Variants in USP25 observed in about 807,000 individuals in gnomAD.
USP25 encodes ubiquitin specific peptidase 25, also known as ubiquitin carboxyl-terminal hydrolase 25.
A neutral mutation model predicts 158.5 loss-of-function variants in USP25; 85 were observed. The observed-to-expected ratio is 0.54, with a 90% CI of 0.45 to 0.64. The LOEUF (loss-of-function observed/expected upper bound fraction) is 0.64, where lower values mean the gene tolerates loss of function less well. Among genes scored for constraint, USP25 ranks in the 30% least tolerant of loss-of-function variants. The pLI is 0.00. For missense variants in USP25, 1,242 were observed against 1,327.3 expected, an observed-to-expected ratio of 0.94 and a Z score of 1.00; for synonymous variants, 464 against 460.4, an observed-to-expected ratio of 1.01 and a Z score of -0.10.
intron 1 of USP25, among the ~76,000 whole-genome samples, chr21:15,743,430 T>A (rs7277813): frequency 0.16 from 23,711 of 152,048 alleles, 3,900 homozygotes; most frequent in African/African-American, 0.42. Context: ...AGAAAAGCTC[T>A]TGACAATGAG....
At position 15,879,718 on chromosome 21, in the gene USP25, A is replaced by C. The variant is rs911768703; in HGVS notation, c.*1243A>C. On this transcript the variant is annotated 3_prime_UTR_variant, in exon 26 of 26. Transcript: ENST00000400183. ...TAAAATAGACCATTATACTATGTGTATGTTTGATACAGCGTCGCCAAAACT... is the reference window on the plus strand; with the variant it reads ...TAAAATAGACCATTATACTATGTGTCTGTTTGATACAGCGTCGCCAAAACT... 2.0e-5 allele frequency: 3 copies of C among 152,616 alleles called. No individual in the cohort carries two copies. Among genetic ancestry groups the C allele is most frequent in the African/African-American group, 7.2e-5 (3 of 41,468 alleles). The allele number at this position is 152,616 out of a possible 1,614,324, so 9.5% of individuals were successfully genotyped here.
intron 1 of USP25, among the ~76,000 whole-genome samples, chr21:15,743,418 A>G (rs2032245247): frequency 6.6e-6 from 1 of 152,188 alleles, no homozygotes; most frequent in Non-Finnish European, 1.5e-5. Context: ...TTATTGAGCA[A>G]CAGAAAAGCT....
intron 5 of USP25, among the ~76,000 whole-genome samples, chr21:15,798,974 A>G (rs773460520): frequency 4.6e-5 from 7 of 151,422 alleles, no homozygotes; most frequent in Admixed American, 3.3e-4. Context: ...GACCCAAGAA[A>G]GGAATATACT....
intron 25 of USP25, 76 bp from the exon 26 acceptor site, chr21:15,878,227 A>G (rs1051391203): frequency 3.9e-6 from 6 of 1,531,124 alleles, no homozygotes; most frequent in Non-Finnish European, 5.3e-6. Context: ...GAGTAAGTTA[A>G]TATTAGTAAA....
At chr21:15,859,863 A>C (rs2039338858) in intron 20 of USP25, among the ~76,000 whole-genome samples, 2 of 151,244 alleles carry the variant, frequency 1.3e-5, no homozygotes, top group African/African-American at 4.8e-5. Flanking sequence ...GGAAAGAAAA[A>C]GCCTTTGACT....
In USP25 at chr21:15,827,062, A is replaced by G. The variant is rs1198025490; in HGVS notation, c.1552A>G (p.Ile518Val). The G allele has an allele frequency of 6.2e-7, 1 of 1,614,204 alleles. No individual in the cohort carries two copies. Among genetic ancestry groups the G allele is most frequent in the South Asian group, 1.1e-5 (1 of 91,088 alleles). Residue 518 changes from isoleucine (I) to valine (V), a missense_variant, in exon 14 of 26, where the codon ATA becomes GTA. This residue lies in a region of USP25 where 627 missense variants were observed against 701.4 expected (regional missense o/e 0.89). Coordinates refer to ENST00000400183, the MANE Select transcript of USP25 (RefSeq NM_001283041.3). ...SVAAISSRSVIHKPFTQSRIP... is the reference protein window; with the variant it reads ...SVAAISSRSVVHKPFTQSRIP... The stretch of plus-strand genomic sequence containing the variant: ...TGCTGCCATTTCATCGAGATCAGTA[A>G]TACACAAACCATTTACTCAGTCCCG...
In USP25 at chr21:15,809,011, A is replaced by T. The variant is rs143937889; in HGVS notation, c.857+126A>T. ...AATCCCAGTATTTTCTGTATTATTG[A>T]CAAGCTGTTTAGAATTTGCAGGCAC... is the stretch of plus-strand genomic sequence containing the variant. On this transcript the variant is annotated intron_variant, in intron 8 of 25. Coordinates refer to ENST00000400183, the MANE Select transcript of USP25 (RefSeq NM_001283041.3). 8.3e-4 allele frequency: 555 copies of T among 670,792 alleles called. 5 individuals carry two copies. In the African/African-American group the frequency reaches 8.5e-3, roughly 10 times the overall value. The allele number at this position is 670,792 out of a possible 1,614,324, so 41.6% of individuals were successfully genotyped here.
intron 20 of USP25, among the ~76,000 whole-genome samples, chr21:15,852,045 C>CT (rs2038913159): frequency 6.6e-6 from 1 of 152,120 alleles, no homozygotes; most frequent in Non-Finnish European, 1.5e-5. Flanking sequence ...TATATTGCAA[C>CT]TCTCAGCACA....
intron 1 of USP25, among the ~76,000 whole-genome samples, chr21:15,748,454 G>GTTTTTTTTTTTT (rs71331787): frequency 2.5e-5 from 2 of 79,008 alleles, no homozygotes; most frequent in Non-Finnish European, 4.8e-5. Context: ...CTACTTTTTA[G>GTTTTTTTTTTTT]TTTTTTTTTT....
At chr21:15,824,771 C>T (rs976832195) in intron 11 of USP25, among the ~76,000 whole-genome samples, 195 bp from the exon 12 acceptor site, 1 of 152,158 alleles carries the variant, frequency 6.6e-6, no homozygotes, top group Admixed American at 6.5e-5. Flanking sequence ...CACCCACCAT[C>T]GTGGCTGGCT....
chr21:15,735,019 A>G (rs987711630), intron 1 of USP25, among the ~76,000 whole-genome samples: 1 of 152,220 alleles, frequency 6.6e-6, no homozygotes, highest in African/African-American at 2.4e-5. Context: ...TTGGAGAACT[A>G]AAGCAACATT....
intron 1 of USP25, among the ~76,000 whole-genome samples, chr21:15,734,348 A>G (rs1427231695): frequency 8.5e-5 from 13 of 152,244 alleles, no homozygotes; most frequent in Non-Finnish European, 1.5e-5. Flanking sequence ...ACCATGCAGC[A>G]TTTGATAGTT....
chr21:15,756,103 G>A (rs1407999355), intron 1 of USP25, among the ~76,000 whole-genome samples: 2 of 152,124 alleles, frequency 1.3e-5, no homozygotes, highest in African/African-American at 2.4e-5. Flanking sequence ...CAAAAGAATA[G>A]GTGAAAAGTC....
intron 1 of USP25, among the ~76,000 whole-genome samples, chr21:15,753,687 C>T (rs966004118): frequency 1.4e-4 from 21 of 149,332 alleles, no homozygotes; most frequent in Non-Finnish European, 2.2e-4. Context: ...GTATGCTTCT[C>T]GTTCCTGTAT....
chr21:15,815,873 G>C (rs1033251116), intron 9 of USP25, among the ~76,000 whole-genome samples: 2 of 152,190 alleles, frequency 1.3e-5, no homozygotes, highest in African/African-American at 4.8e-5. Context: ...TTACAGGCTT[G>C]TAGGCGGAAG....
Position 15,842,523 on chromosome 21 carries a change from G to C in USP25, c.2320G>C (p.Glu774Gln). ...ASHEHEDKSP[E>Q]TVLQSKPENT... ...ACATGAGCATGAAGATAAAAGTCCT[G>C]AAACAGTTTTGCAGTCGGTAAGAAC... The change falls in exon 18 of 26, where the codon GAA becomes CAA. Residue 774 changes from glutamate (E) to glutamine (Q), a missense_variant. By Grantham distance (29) the Glu-to-Gln change is conservative. This residue lies in a region of USP25 where 608 missense variants were observed against 605.2 expected (regional missense o/e 1.00). Transcript: ENST00000400183. 12 of 1,613,432 alleles carry C rather than the reference G, an allele frequency of 7.4e-6. No individual in the cohort carries two copies. The highest frequency in any genetic ancestry group is 1.0e-5 in the Non-Finnish European group (12 of 1,179,612).
chr21:15,741,609 A>G (rs1471117716), intron 1 of USP25, among the ~76,000 whole-genome samples: 2 of 152,138 alleles, frequency 1.3e-5, no homozygotes, highest in African/African-American at 4.8e-5. Context: ...ATGTCTTTCA[A>G]GTGCTTGTTG....
chr21:15,803,777 T>G (rs1600965130), intron 6 of USP25, among the ~76,000 whole-genome samples: 1 of 152,094 alleles, frequency 6.6e-6, no homozygotes, highest in East Asian at 1.9e-4. Flanking sequence ...ATAGTCTTTA[T>G]ACTTTTAAAA....
intron 1 of USP25, among the ~76,000 whole-genome samples, chr21:15,735,606 A>G (rs1442755099): frequency 6.6e-6 from 1 of 150,784 alleles, no homozygotes; most frequent in African/African-American, 2.4e-5. Flanking sequence ...GGCTATTAAG[A>G]TAAGGTTAGC....
Sources: gnomAD v4.1 joint callset for allele counts (sites outside exome capture counted in the v4.1 genomes callset) on GRCh38, gnomAD v4.1.1 for gene constraint, gnomAD v4.1.1 regional missense constraint, MANE v1.5 for transcripts, NCBI Gene and HGNC (gene_info 2026-07-23, HGNC 2026-07-21) for gene names.